MYOM1: variants seen among roughly 807,000 people sequenced by gnomAD.
The protein encoded by MYOM1 is myomesin 1.
MYOM1 carries 164 observed loss-of-function variants against 205.3 expected under a neutral mutation model. The observed-to-expected ratio is 0.80, with a 90% CI of 0.70 to 0.91. The LOEUF is 0.91. Among genes scored for constraint, MYOM1 ranks in the 40% least tolerant of loss-of-function variants. The pLI is 0.00. For missense variants in MYOM1, 2,011 were observed against 2,127.3 expected (o/e 0.95, Z 1.08); for synonymous variants, 772 against 789.4 (o/e 0.98, Z 0.37).
intron 16 of MYOM1, 96 bp downstream of exon 16, chr18:3,134,554 T>C: frequency 7.4e-7 from 1 of 1,356,420 alleles, no homozygotes; most frequent in Non-Finnish European, 9.7e-7. Flanking sequence ...AAGTAAAATT[T>C]TTTAAAAAAA....
intron 29 of MYOM1, among the ~76,000 whole-genome samples, chr18:3,087,169 A>G (rs1241040584): frequency 6.6e-6 from 1 of 152,210 alleles, no homozygotes; most frequent in Non-Finnish European, 1.5e-5. Flanking sequence ...GTCTGGACCC[A>G]GAGGACTAGA....
chr18:3,242,681 G>A, the MYOM1 span, among the ~76,000 whole-genome samples: 1 of 152,076 alleles, frequency 6.6e-6, no homozygotes, highest in Admixed American at 6.5e-5. Flanking sequence ...GTTAATTTTT[G>A]TATTTTTAGT....
chr18:3,176,237 G>A (rs1205931129), intron 5 of MYOM1, 103 bp from the exon 6 acceptor site: 17 of 677,096 alleles, frequency 2.5e-5, no homozygotes, highest in Non-Finnish European at 4.5e-5. Context: ...TGTAAACAGG[G>A]CACTGAGGGT....
the MYOM1 span, among the ~76,000 whole-genome samples, chr18:3,234,579 G>A: frequency 2.6e-5 from 4 of 152,156 alleles, no homozygotes; most frequent in African/African-American, 7.2e-5. Context: ...GTCGTTTGGG[G>A]AGAGTTGCCA....
At chr18:3,153,376 A>G (rs371914557) in intron 11 of MYOM1, among the ~76,000 whole-genome samples, 43 of 152,304 alleles carry the variant, frequency 2.8e-4, no homozygotes, top group African/African-American at 1.0e-3. Context: ...AACGACCTTA[A>G]AGGGCGGTTA....
intron 22 of MYOM1, 65 bp downstream of exon 22, chr18:3,112,233 G>T (rs8096379): frequency 1.3e-5 from 18 of 1,344,576 alleles, no homozygotes; most frequent in Non-Finnish European, 1.9e-5. Flanking sequence ...AGCACAGAAA[G>T]GCCGAACCTT....
intron 10 of MYOM1, among the ~76,000 whole-genome samples, chr18:3,161,114 G>A (rs756546720): frequency 6.6e-6 from 1 of 152,160 alleles, no homozygotes; most frequent in African/African-American, 2.4e-5. Context: ...CTAAATGAAC[G>A]CACTTGCTAA....
chr18:3,094,963 T>C (rs1211912764), intron 25 of MYOM1, among the ~76,000 whole-genome samples: 1 of 152,140 alleles, frequency 6.6e-6, no homozygotes, highest in East Asian at 1.9e-4. Flanking sequence ...CTAGTTGGCA[T>C]GTGCTGTATT....
At chr18:3,143,169 C>T (rs528730701) in intron 13 of MYOM1, among the ~76,000 whole-genome samples, 1 of 152,076 alleles carries the variant, frequency 6.6e-6, no homozygotes, top group East Asian at 1.9e-4. Flanking sequence ...TATTGAGGAA[C>T]AAAAATAAGA....
intron 9 of MYOM1, among the ~76,000 whole-genome samples, chr18:3,167,017 G>A (rs1183943341): frequency 6.6e-6 from 1 of 152,180 alleles, no homozygotes; most frequent in African/African-American, 2.4e-5. Flanking sequence ...GCTAGCATGG[G>A]CCTCGCAGAT....
At position 3,067,382 on chromosome 18, in the gene MYOM1, C is replaced by T. The variant is rs1367315640; in HGVS notation, c.4938G>A (p.Leu1646=). Reference sequence around the variant, plus strand: ...CCGAGCCATACTTGTTCTTCACAACCAGCCCGTATTTGCCCGAGTCAGCGG... The same window carrying T: ...CCGAGCCATACTTGTTCTTCACAACTAGCCCGTATTTGCCCGAGTCAGCGG... ...VSTADSGKYG[L]VVKNKYGSET... Residue 1646 remains leucine, a synonymous_variant, in exon 38 of 38, where the codon CTG becomes CTA. Coordinates refer to ENST00000356443, the MANE Select transcript of MYOM1 (RefSeq NM_003803.4). 6.2e-7 allele frequency: 1 copy of T among 1,613,208 alleles called. No homozygotes were observed. Among genetic ancestry groups the T allele is most frequent in the Admixed American group, 1.7e-5 (1 of 60,028 alleles).
In MYOM1 at chr18:3,112,375, C is replaced by T. The variant is rs746247312; in HGVS notation, c.3341G>A (p.Arg1114His). 2.2e-5 allele frequency: 35 copies of T among 1,611,718 alleles called. No individual in the cohort carries two copies. The highest frequency in any genetic ancestry group is 6.7e-5 in the East Asian group (3 of 44,850). ...GLKEGVSYVF[R>H]VRAINQAGVG... ...TCCCGCCTGGTTTATGGCTCGAACA[C>T]GGAACACGTAGCTGACGCCCTCCTT... Residue 1114 changes from arginine (R) to histidine (H), a missense_variant, in exon 22 of 38, where the codon CGT (arginine) becomes CAT (histidine). By Grantham distance (29) the Arg-to-His change is conservative (BLOSUM62 0). Transcript: ENST00000356443.
rs758951278 is a variant in MYOM1, at chr18:3,135,647, G to A, written c.2109C>T (p.Ala703=). 16 of 1,613,720 alleles carry A rather than the reference G, an allele frequency of 9.9e-6. No individual in the cohort carries two copies. Among genetic ancestry groups the A allele is most frequent in the South Asian group, 2.2e-5 (2 of 91,076 alleles). Residue 703 remains alanine (A), a synonymous_variant, in exon 15 of 38, where the codon GCC becomes GCT. Coordinates refer to ENST00000356443, the MANE Select transcript of MYOM1 (RefSeq NM_003803.4). The surrounding 1 kb of genome is among the most constrained non-coding windows in gnomAD (Gnocchi z 4.1). ...CACGGAAACAGTAGGATTTCCCCTC[G>A]GCCAAGTCAAACAGAGCAAAGCGGG... ...KSPRFALFDL[A]EGKSYCFRVR... is the part of the protein sequence containing the mutation.
intron 22 of MYOM1, among the ~76,000 whole-genome samples, chr18:3,110,765 G>C (rs1446743610): frequency 7.0e-6 from 1 of 142,440 alleles, no homozygotes; most frequent in Non-Finnish European, 1.5e-5. Flanking sequence ...TAGAATATCT[G>C]ATCTTCTGTC....
intron 20 of MYOM1, among the ~76,000 whole-genome samples, chr18:3,119,525 C>T (rs918857830): frequency 6.6e-6 from 1 of 152,104 alleles, no homozygotes; most frequent in African/African-American, 2.4e-5. Flanking sequence ...AATTGGATAA[C>T]CTTTAAGTGG....
chr18:3,141,455 T>G (rs1360661042), intron 14 of MYOM1, among the ~76,000 whole-genome samples: 1 of 152,210 alleles, frequency 6.6e-6, no homozygotes, highest in Non-Finnish European at 1.5e-5. Context: ...GCTAGCCAAG[T>G]GCAGTGGCAT....
intron 5 of MYOM1, among the ~76,000 whole-genome samples, chr18:3,177,628 C>T (rs375037394): frequency 5.4e-4 from 82 of 152,144 alleles, no homozygotes; most frequent in African/African-American, 1.6e-3. Flanking sequence ...CCGGCCACTA[C>T]GCCTGGCTAG....
chr18:3,124,896 T>G (rs2079757482), intron 19 of MYOM1, among the ~76,000 whole-genome samples: 1 of 152,142 alleles, frequency 6.6e-6, no homozygotes, highest in Non-Finnish European at 1.5e-5. Context: ...ACATTAAAAT[T>G]AAAGTCAGAG....
At chr18:3,214,276 C>T (rs962799890) in intron 2 of MYOM1, among the ~76,000 whole-genome samples, 1 of 152,248 alleles carries the variant, frequency 6.6e-6, no homozygotes, top group East Asian at 1.9e-4. Flanking sequence ...ACATTCTGAG[C>T]GCAAGGAAAC....
Sources: gnomAD v4.1 joint callset for allele counts (sites outside exome capture counted in the v4.1 genomes callset) on GRCh38, gnomAD v4.1.1 for gene constraint, Gnocchi (gnomAD v3.1) non-coding constraint, MANE v1.5 for transcripts, NCBI Gene and HGNC (gene_info 2026-07-23, HGNC 2026-07-21) for gene names.